Variants in STYXL1 observed in about 807,000 individuals in gnomAD.
STYXL1 encodes the protein serine/threonine/tyrosine interacting like 1, also known as serine/threonine/tyrosine-interacting-like protein 1.
In STYXL1, 32 loss-of-function variants were observed where a neutral mutation model predicts 36.4. The observed-to-expected ratio is 0.88, with a 90% CI of 0.66 to 1.18. The LOEUF (loss-of-function observed/expected upper bound fraction) is 1.18. Ranked by LOEUF, STYXL1 falls within the 50% of genes most tolerant of loss-of-function variation. The pLI, the probability that STYXL1 is intolerant of heterozygous loss-of-function variation, is 0.00. For synonymous variants in STYXL1, 133 were observed against 144.1 expected (o/e 0.92, Z 0.55); for missense variants, 354 against 394.1 (o/e 0.90, Z 0.86).
chr7:76,039,139 T>C lies in STYXL1; in HGVS notation c.-5+8523A>G, dbSNP rs376616115. Among the ~76,000 whole-genome samples, 21 of 149,232 alleles carry C rather than the reference T, an allele frequency of 1.4e-4. No homozygotes were observed. In the East Asian group the frequency reaches 3.1e-3, roughly 22 times the overall value. ...TTTTAGTAGAAACGGGGTTTCACCATGTTGGCCAGGCTGGTCTCGAACTCC... is the reference window on the plus strand; with the variant it reads ...TTTTAGTAGAAACGGGGTTTCACCACGTTGGCCAGGCTGGTCTCGAACTCC... On this transcript the variant is annotated intron_variant, in intron 1 of 8. Coordinates refer to ENST00000359697, the MANE Select transcript of STYXL1 (RefSeq NM_001317785.2).
intron 8 of STYXL1, chr7:76,000,380 C>T (rs1383660653): frequency 2.2e-6 from 1 of 456,346 alleles, no homozygotes; most frequent in Non-Finnish European, 4.4e-6. Context: ...CTTTGTAGGT[C>T]CTATCAAGCC....
intron 4 of STYXL1, among the ~76,000 whole-genome samples, chr7:76,016,304 A>G (rs782085285): frequency 5.3e-5 from 8 of 151,742 alleles, no homozygotes; most frequent in Non-Finnish European, 7.4e-5. Flanking sequence ...ATACATGTGT[A>G]TATATACACG....
chr7:76,044,143 G>A (rs781847679), intron 1 of STYXL1: 1 of 152,164 alleles, frequency 6.6e-6, no homozygotes, highest in Non-Finnish European at 1.5e-5. Context: ...GCAGATAGGA[G>A]CTGAGTGTGA....
chr7:76,016,316 ATATC>A (rs1418087887), intron 4 of STYXL1, among the ~76,000 whole-genome samples: 1 of 151,850 alleles, frequency 6.6e-6, no homozygotes, highest in East Asian at 1.9e-4. Context: ...ATATACACGT[ATATC>A]TATACATATG....
intron 3 of STYXL1, among the ~76,000 whole-genome samples, chr7:76,026,441 A>C (rs1794736767): frequency 1.3e-5 from 2 of 151,570 alleles, no homozygotes; most frequent in Admixed American, 1.3e-4. Flanking sequence ...CACCACACTG[A>C]GTTAATTTTT....
At chr7:76,020,064 GGTT>G (rs1793877226) in intron 4 of STYXL1, among the ~76,000 whole-genome samples, 1 of 152,150 alleles carries the variant, frequency 6.6e-6, no homozygotes, top group Non-Finnish European at 1.5e-5. Flanking sequence ...CAAGTTGTGT[GGTT>G]GTGGTTTCCT....
chr7:76,036,774 GTAT>G (rs1217847796), intron 1 of STYXL1, among the ~76,000 whole-genome samples: 6 of 140,256 alleles, frequency 4.3e-5, no homozygotes, highest in Non-Finnish European at 6.1e-5. Context: ...TTTCAACACA[GTAT>G]AGCTCTTTTT....
intron 1 of STYXL1, chr7:76,043,979 T>C (rs925854872): frequency 5.3e-5 from 8 of 152,226 alleles, no homozygotes; most frequent in Non-Finnish European, 8.8e-5. Context: ...AGCTGCTGCA[T>C]GATTGAATTC....
At position 76,000,919 on chromosome 7, in the gene STYXL1, G is replaced by T; in HGVS notation, c.781C>A (p.Leu261Ile). Residue 261 changes from leucine to isoleucine, a missense_variant, in exon 8 of 9, where the codon CTC (leucine) becomes ATC (isoleucine). By Grantham distance (5) the Leu-to-Ile change is conservative. Transcript: ENST00000359697. ...AAGGTCTGCTCGTTACTATGCATGA[G>T]GTAGGCTATGATGGCGGCACAACTG... ...SRSCAAIIAY[L>I]MHSNEQTLQR... is the part of the protein sequence containing the mutation. The T allele has an allele frequency of 6.2e-7, 1 of 1,614,130 alleles. No homozygotes were observed. The highest frequency in any genetic ancestry group is 8.5e-7 in the Non-Finnish European group (1 of 1,179,952).
intron 4 of STYXL1, among the ~76,000 whole-genome samples, chr7:76,018,456 A>T (rs1306562689): frequency 6.6e-6 from 1 of 151,822 alleles, no homozygotes; most frequent in African/African-American, 2.4e-5. Flanking sequence ...AATAGCACAA[A>T]CTCGGCTCAC....
intron 5 of STYXL1, among the ~76,000 whole-genome samples, chr7:76,009,887 C>A (rs550237809): frequency 1.3e-5 from 2 of 152,272 alleles, no homozygotes; most frequent in East Asian, 1.9e-4. Flanking sequence ...AAACAAGTAA[C>A]CCAATCCAAC....
intron 8 of STYXL1, among the ~76,000 whole-genome samples, chr7:75,997,435 A>G (rs1433435175): frequency 6.6e-6 from 1 of 152,152 alleles, no homozygotes; most frequent in Non-Finnish European, 1.5e-5. Context: ...CTCTGTCTCA[A>G]AAACAAAAAA....
At chr7:76,028,981 G>A (rs1489243644) in intron 2 of STYXL1, among the ~76,000 whole-genome samples, 11 of 151,994 alleles carry the variant, frequency 7.2e-5, no homozygotes, top group Non-Finnish European at 7.4e-5. Context: ...AAAATTAGCC[G>A]GGCGTGGTGG....
At chr7:76,043,274 T>C (rs1796647879) in intron 1 of STYXL1, among the ~76,000 whole-genome samples, 1 of 152,072 alleles carries the variant, frequency 6.6e-6, no homozygotes, top group Non-Finnish European at 1.5e-5. Flanking sequence ...CTCCAGTAGC[T>C]GGGATTACAG....
chr7:76,003,928 ACAG>A lies in STYXL1; in HGVS notation c.600-76_600-74del. 3.6e-6 allele frequency: 5 copies of A among 1,394,956 alleles called. No homozygotes were observed. The South Asian group carries it at 5.9e-5, about 16-fold the overall frequency. The allele number at this position is 1,394,956 out of a possible 1,614,324, so 86.4% of individuals were successfully genotyped here. A position where few individuals can be genotyped will look rare whatever the true frequency, so the allele number is the denominator to read the frequency against. On this transcript the variant is annotated intron_variant, in intron 6 of 8. Transcript: ENST00000359697. ...GCATCCCCATTGTGGGGTTTTCATCACAGCAGAAGGGCCACAGGGAGGACGCTG... is the reference window on the plus strand; with the variant it reads ...GCATCCCCATTGTGGGGTTTTCATCACAGAAGGGCCACAGGGAGGACGCTG...
intron 8 of STYXL1, among the ~76,000 whole-genome samples, chr7:75,997,383 G>A (rs1790257792): frequency 6.6e-6 from 1 of 152,132 alleles, no homozygotes; most frequent in Non-Finnish European, 1.5e-5. Context: ...GCAGTGAGCC[G>A]AGATTGCACC....
chr7:76,003,029 G>A (rs1554568326), intron 7 of STYXL1, among the ~76,000 whole-genome samples: 1 of 152,216 alleles, frequency 6.6e-6, no homozygotes, highest in Non-Finnish European at 1.5e-5. Context: ...AGGCAGGCAT[G>A]GGGTGGGGAC....
At chr7:76,046,333 TGTGTGTGCGCGCGCGCGC>T (rs1797044421) in intron 1 of STYXL1, among the ~76,000 whole-genome samples, 6 of 14,938 alleles carry the variant, frequency 4.0e-4, no homozygotes, top group South Asian at 2.8e-3. Flanking sequence ...TGTGTGTGTG[TGTGTGTGCGCGCGCGCGC>T]GCGCGCGCTT....
chr7:76,046,321 TGTGTGTGTGTGTGTGTGTGC>T (rs869308918), intron 1 of STYXL1, among the ~76,000 whole-genome samples: 1,442 of 32,378 alleles, frequency 0.045, 17 homozygotes, highest in South Asian at 0.083. Flanking sequence ...TGTGTGTGTG[TGTGTGTGTGTGTGTGTGTGC>T]GCGCGCGCGC....
Sources: allele counts gnomAD v4.1 joint callset (sites outside exome capture counted in the v4.1 genomes callset), GRCh38; gene constraint gnomAD v4.1.1; transcripts MANE v1.5; gene names NCBI Gene and HGNC (gene_info 2026-07-23, HGNC 2026-07-21).